Variants in NCOR1 observed in about 807,000 individuals in gnomAD.
NCOR1 encodes the protein protein phosphatase 1, regulatory subunit 109.
A neutral mutation model predicts 288.1 loss-of-function variants in NCOR1; 63 were observed. That is an observed-to-expected ratio of 0.22 (90% CI 0.18 to 0.27). The LOEUF is 0.27. Among genes scored for constraint, NCOR1 ranks in the 10% least tolerant of loss-of-function variants. The pLI, the probability that NCOR1 is intolerant of heterozygous loss-of-function variation, is 1.00. For missense variants in NCOR1, 2,397 were observed against 3,019.2 expected, an observed-to-expected ratio of 0.79 and a Z score of 4.83; for synonymous variants, 1,007 against 1,065.9, an observed-to-expected ratio of 0.94 and a Z score of 1.08.
At chr17:16,094,753 G>A (rs2066049739) in intron 21 of NCOR1, among the ~76,000 whole-genome samples, 1 of 152,200 alleles carries the variant, frequency 6.6e-6, no homozygotes, top group Admixed American at 6.5e-5. Flanking sequence ...TTTTGGTGGA[G>A]ACGGGGTTTC....
chr17:16,140,124 T>C (rs898328241), intron 11 of NCOR1, among the ~76,000 whole-genome samples: 1 of 152,254 alleles, frequency 6.6e-6, no homozygotes, highest in Admixed American at 6.5e-5. Flanking sequence ...TACTCATCAT[T>C]GTAGAAATAA....
rs2152997673 is a variant in NCOR1 at position 16,101,625 on chromosome 17, G to C, written c.2315C>G (p.Thr772Arg). ...CACACTTTCATCTTCAGCTGGTTTT[G>C]TACTTGGAACTGCTAAGGAGGGAGA... ...STSPSLAVPS[T>R]KPAEDESVET... Residue 772 changes from threonine (T) to arginine (R), a missense_variant, in exon 20 of 46, where the codon ACA becomes AGA. Thr to Arg is a moderately conservative substitution (Grantham distance 71). Transcript: ENST00000268712. The C allele has an allele frequency of 6.2e-7, 1 of 1,614,194 alleles. No individual in the cohort carries two copies. Among genetic ancestry groups the C allele is most frequent in the Non-Finnish European group, 8.5e-7 (1 of 1,180,020 alleles).
intron 2 of NCOR1, among the ~76,000 whole-genome samples, chr17:16,191,104 T>C (rs1600260476): frequency 6.6e-6 from 1 of 152,234 alleles, no homozygotes; most frequent in East Asian, 1.9e-4. Flanking sequence ...AATTCTAGTC[T>C]GTAAATGAAT....
intron 42 of NCOR1, among the ~76,000 whole-genome samples, chr17:16,044,194 A>G (rs1477924916): frequency 6.6e-6 from 1 of 150,828 alleles, no homozygotes; most frequent in Non-Finnish European, 1.5e-5. Flanking sequence ...AAAAAGAAAG[A>G]AAGAAAGGCT....
At chr17:16,118,777 C>G (rs1232945613) in intron 17 of NCOR1, among the ~76,000 whole-genome samples, 2 of 152,040 alleles carry the variant, frequency 1.3e-5, no homozygotes, top group Non-Finnish European at 2.9e-5. Context: ...TCAATATTAC[C>G]AATTATTTAT....
At chr17:16,136,270 C>T (rs1245708614) in intron 14 of NCOR1, among the ~76,000 whole-genome samples, 3 of 152,172 alleles carry the variant, frequency 2.0e-5, no homozygotes, top group African/African-American at 4.8e-5. Context: ...ACTGCAGCCT[C>T]GACTTTCCAG....
chr17:16,087,396 G>C (rs2064412224), intron 22 of NCOR1: 1 of 1,222,918 alleles, frequency 8.2e-7, no homozygotes, highest in Non-Finnish European at 1.1e-6. Context: ...AATTAAAATA[G>C]TAAGTGTGAA....
chr17:16,125,934 A>G, intron 15 of NCOR1, 148 bp downstream of exon 15: 1 of 456,354 alleles, frequency 2.2e-6, no homozygotes, highest in Non-Finnish European at 3.8e-6. Context: ...GGTATAATGT[A>G]CACTATTTGG....
rs371602300 is a variant in NCOR1 at position 16,138,998 on chromosome 17, T to C, written c.1352+10A>G. The C allele has an allele frequency of 4.3e-5, 64 of 1,500,772 alleles. 1 individual carries two copies. In the East Asian group the frequency reaches 5.9e-4, roughly 14 times the overall value. 93.0% of individuals were successfully genotyped at this position (1,500,772 alleles called of 1,614,324 possible). On this transcript the variant is annotated intron_variant, in intron 12 of 45. Coordinates refer to ENST00000268712, the MANE Select transcript of NCOR1 (RefSeq NM_006311.4). ...ATGTCTATTAGAGAATAATTTAAAA[T>C]ATAAATTACTTGTCCTTAAAGATCT...
In NCOR1 at chr17:16,080,491, T is replaced by A; in HGVS notation, c.3317A>T (p.Lys1106Met). The stretch of plus-strand genomic sequence containing the variant: ...GCTTCGGGGAGAAAATTCTTCCTGC[T>A]TGATGTAGGGCAAAGTAGCTGTGGA... ...SAKSATLPYIKQEEFSPRSQN... is the reference protein window; with the variant it reads ...SAKSATLPYIMQEEFSPRSQN... The change falls in exon 25 of 46, where the codon AAG becomes ATG. Residue 1106 changes from lysine (K) to methionine (M), a missense_variant. Physicochemically the swap from Lys to Met is moderately conservative, Grantham distance 95 (BLOSUM62 -1). Coordinates refer to ENST00000268712, the MANE Select transcript of NCOR1 (RefSeq NM_006311.4). 6.2e-7 allele frequency: 1 copy of A among 1,614,182 alleles called. No individual in the cohort carries two copies. The highest frequency in any genetic ancestry group is 8.5e-7 in the Non-Finnish European group (1 of 1,180,030).
At chr17:16,074,264 G>GA (rs1025954017) in intron 27 of NCOR1, among the ~76,000 whole-genome samples, 2 of 152,164 alleles carry the variant, frequency 1.3e-5, no homozygotes, top group African/African-American at 4.8e-5. Context: ...CAGGGTGATG[G>GA]AAAAATCAGT....
At chr17:16,105,837 T>C (rs1461894693) in intron 19 of NCOR1, among the ~76,000 whole-genome samples, 2 of 152,178 alleles carry the variant, frequency 1.3e-5, no homozygotes, top group East Asian at 3.9e-4. Context: ...CGGTGGCTCA[T>C]GCCTGTAATC....
Position 16,112,856 on chromosome 17 carries a change from C to G in NCOR1, c.2056-3944G>C, listed in dbSNP as rs62073623. On this transcript the variant is annotated intron_variant, in intron 18 of 45. Transcript: ENST00000268712. ...ACACTTACTATATCAGAAACTAAAA[C>G]TAAGAAAACTTCAAAATTTTAAATT... 2.0e-5 allele frequency among the ~76,000 whole-genome samples: 3 copies of G among 152,068 alleles called. No individual in the cohort carries two copies. The South Asian group carries it at 6.2e-4, about 32-fold the overall frequency.
intron 37 of NCOR1, 57 bp from the exon 38 acceptor site, chr17:16,058,656 T>C (rs2060199372): frequency 2.0e-6 from 3 of 1,520,700 alleles, no homozygotes; most frequent in Non-Finnish European, 2.7e-6. Flanking sequence ...TTCTGAAGTC[T>C]AAGTTCTTCA....
intron 8 of NCOR1, chr17:16,151,722 T>C: frequency 8.9e-7 from 1 of 1,119,614 alleles, no homozygotes; most frequent in Non-Finnish European, 1.3e-6. Context: ...ACCAGCTAGT[T>C]TTATGCAATA....
At chr17:16,208,015 C>T (rs2091729507) in intron 1 of NCOR1, among the ~76,000 whole-genome samples, 1 of 148,068 alleles carries the variant, frequency 6.8e-6, no homozygotes, top group African/African-American at 2.5e-5. Context: ...TCCTATCAAC[C>T]AACCGTTCCA....
At chr17:16,106,879 ATATATTTTTTTTTTTTTTT>A (rs2068825932) in intron 19 of NCOR1, among the ~76,000 whole-genome samples, 1 of 59,028 alleles carries the variant, frequency 1.7e-5, no homozygotes, top group Non-Finnish European at 2.9e-5. Context: ...ATATATATAT[ATATATTTTTTTTTTTTTTT>A]TTTTTTTTTT....
chr17:16,197,590 A>G (rs1343333366), intron 1 of NCOR1, among the ~76,000 whole-genome samples: 2 of 152,206 alleles, frequency 1.3e-5, no homozygotes, highest in East Asian at 3.9e-4. Flanking sequence ...AAGATCAGAG[A>G]AAGTCAATAA....
intron 1 of NCOR1, among the ~76,000 whole-genome samples, chr17:16,206,914 T>C (rs2091576814): frequency 2.0e-5 from 3 of 152,190 alleles, no homozygotes; most frequent in Admixed American, 2.0e-4. Context: ...TCGGTATATA[T>C]ATAAAATAAT....
Sources: allele counts gnomAD v4.1 joint callset (sites outside exome capture counted in the v4.1 genomes callset), GRCh38; gene constraint gnomAD v4.1.1; transcripts MANE v1.5; gene names NCBI Gene and HGNC (gene_info 2026-07-23, HGNC 2026-07-21).